The following ULK2 variants were observed in gnomAD, a reference collection of about 807,000 sequenced individuals.
ULK2 encodes the protein unc-51 like autophagy activating kinase 2.
In ULK2, 76 loss-of-function variants were observed where a neutral mutation model predicts 127.5. The ratio of observed to expected loss-of-function variants is 0.60; its 90% CI spans 0.50 to 0.72. ULK2 has a LOEUF of 0.72. Ranked by LOEUF, ULK2 falls within the 30% of genes least tolerant of loss-of-function variation. ULK2 has a pLI of 0.00. For synonymous variants in ULK2, 452 were observed against 461.9 expected (o/e 0.98, Z 0.28); for missense variants, 1,144 against 1,295.9 (o/e 0.88, Z 1.80).
At chr17:19,792,608 G>A (rs379703) in intron 20 of ULK2, among the ~76,000 whole-genome samples, 146,364 of 152,348 alleles carry the variant, frequency 0.96, 70,499 homozygotes, top group African/African-American at 0.99. Context: ...TATTCACTAA[G>A]GTGATCTAAT....
At chr17:19,856,661 T>C (rs1289700128) in intron 3 of ULK2, among the ~76,000 whole-genome samples, 1 of 150,892 alleles carries the variant, frequency 6.6e-6, no homozygotes, top group African/African-American at 2.4e-5. Flanking sequence ...AATTTGTTCA[T>C]TGTATTATTT....
chr17:19,813,058 G>A (rs1347434570), intron 13 of ULK2, among the ~76,000 whole-genome samples: 2 of 152,270 alleles, frequency 1.3e-5, no homozygotes, highest in East Asian at 3.9e-4. Context: ...ATTTTACACT[G>A]ACTATTGAGA....
chr17:19,864,768 T>C (rs533634383), intron 3 of ULK2, 35 bp downstream of exon 3: 4 of 1,016,884 alleles, frequency 3.9e-6, no homozygotes, highest in African/African-American at 3.3e-5. Flanking sequence ...AAAAAAAATT[T>C]ATTTTAATTT....
Position 19,780,969 on chromosome 17 carries a change from G to A in ULK2, c.2758+17C>T, listed in dbSNP as rs749903806. The A allele has an allele frequency of 5.0e-5, 81 of 1,610,714 alleles. No homozygotes were observed. The highest frequency in any genetic ancestry group is 1.7e-4 in the Middle Eastern group (1 of 5,830). ...TAAGGACTGACCCCTGGAGTTACACGCTGCCTTCTCCCATACCTTGTTTCA... is the reference window on the plus strand; with the variant it reads ...TAAGGACTGACCCCTGGAGTTACACACTGCCTTCTCCCATACCTTGTTTCA... On this transcript the variant is annotated intron_variant, in intron 24 of 26. Transcript: ENST00000395544.
At chr17:19,785,129 A>C (rs1176105166) in intron 21 of ULK2, among the ~76,000 whole-genome samples, 3 of 152,276 alleles carry the variant, frequency 2.0e-5, no homozygotes, top group Non-Finnish European at 2.9e-5. Context: ...TAAATGATAA[A>C]TCTATTAGCC....
At chr17:19,849,483 A>G in intron 4 of ULK2, 78 bp from the exon 5 acceptor site, 1 of 1,397,430 alleles carries the variant, frequency 7.2e-7, no homozygotes, top group Non-Finnish European at 9.9e-7. Flanking sequence ...ATTGTGATTA[A>G]AAAATCATTT....
rs2042374155 is a variant in ULK2, at chr17:19,867,315, G to A, written c.90+13C>T. On this transcript the variant is annotated intron_variant, in intron 1 of 26. Transcript: ENST00000395544. ...GCCGCCCGGGGCCCGGCCTCGCCCC[G>A]GCCGGCGCTCACCTGGCGGTGCCGC... is the stretch of plus-strand genomic sequence containing the variant. The A allele has an allele frequency of 1.3e-6, 2 of 1,566,612 alleles. No individual in the cohort carries two copies. The highest frequency in any genetic ancestry group is 1.7e-6 in the Non-Finnish European group (2 of 1,159,328).
intron 10 of ULK2, among the ~76,000 whole-genome samples, chr17:19,834,368 C>T (rs2041538668): frequency 6.6e-6 from 1 of 151,530 alleles, no homozygotes; most frequent in South Asian, 2.1e-4. Flanking sequence ...TTCTCTTAGC[C>T]GATTTAAAGG....
chr17:19,838,139 C>G (rs1298989945), intron 10 of ULK2, among the ~76,000 whole-genome samples: 1 of 152,190 alleles, frequency 6.6e-6, no homozygotes, highest in Non-Finnish European at 1.5e-5. Context: ...GTCACTTTCT[C>G]AGTAAGGTCT....
At chr17:19,832,630 C>T (rs545207447) in intron 10 of ULK2, among the ~76,000 whole-genome samples, 3 of 152,162 alleles carry the variant, frequency 2.0e-5, no homozygotes, top group East Asian at 1.9e-4. Context: ...GGTAACTTAC[C>T]ATCTCAAAGC....
intron 13 of ULK2, among the ~76,000 whole-genome samples, chr17:19,812,276 A>T (rs2087659974): frequency 6.6e-6 from 1 of 152,186 alleles, no homozygotes; most frequent in South Asian, 2.1e-4. Context: ...AAGTGAATAG[A>T]TTACAGCTGC....
rs1425593980 is a variant in ULK2 at position 19,843,133 on chromosome 17, T to C, written c.633A>G (p.Lys211=). 1 of 1,613,556 alleles carries C rather than the reference T, an allele frequency of 6.2e-7. No individual in the cohort carries two copies. The highest frequency in any genetic ancestry group is 8.5e-7 in the Non-Finnish European group (1 of 1,179,828). ...AAAGTCAGCCTACCTGAAAAGGTGG[T>C]TTTCCAACTAGGCATTGGTATATCA... The part of the protein sequence containing the change: ...GTVIYQCLVG[K]PPFQANSPQD... The change falls in exon 8 of 27, where the codon AAA becomes AAG. Residue 211 remains lysine, a synonymous_variant. Coordinates refer to ENST00000395544, the MANE Select transcript of ULK2 (RefSeq NM_014683.4).
At position 19,781,979 on chromosome 17, in the gene ULK2, T is replaced by G. The variant is rs753799922; in HGVS notation, c.2549A>C (p.Asn850Thr). The change falls in exon 23 of 27, where the codon AAC becomes ACC. Residue 850 changes from asparagine (N) to threonine (T), a missense_variant. By Grantham distance (65) the Asn-to-Thr change is moderately conservative. Transcript: ENST00000395544. ...CACAGCAGATGTGCACAGCTCAGGG[T>G]TTCCTCCCCTCATGGCTGTCAGGTC... ...VLDLTAMRGG[N>T]PELCTSAVSL... 6.2e-6 allele frequency: 10 copies of G among 1,614,210 alleles called. No homozygotes were observed. Among genetic ancestry groups the G allele is most frequent in the Non-Finnish European group, 3.4e-6 (4 of 1,180,046 alleles).
chr17:19,836,779 G>A (rs1481425243), intron 10 of ULK2, among the ~76,000 whole-genome samples: 4 of 150,400 alleles, frequency 2.7e-5, no homozygotes, highest in East Asian at 2.0e-4. Context: ...GGTGGCGGGC[G>A]CCTGTAATCC....
intron 20 of ULK2, among the ~76,000 whole-genome samples, chr17:19,788,410 G>A (rs1207633763): frequency 1.3e-5 from 2 of 151,756 alleles, no homozygotes; most frequent in Non-Finnish European, 2.9e-5. Flanking sequence ...GCAGAGTCGT[G>A]AGACCCCCAT....
At chr17:19,833,483 T>C (rs1310516244) in intron 10 of ULK2, among the ~76,000 whole-genome samples, 4 of 151,636 alleles carry the variant, frequency 2.6e-5, no homozygotes, top group Non-Finnish European at 5.9e-5. Context: ...CCGAGGTGGG[T>C]GGATCACGTG....
intron 23 of ULK2, 138 bp from the exon 24 acceptor site, chr17:19,781,242 CTTTTTTTTTT>C (rs200296663): frequency 6.4e-6 from 3 of 472,152 alleles, no homozygotes; most frequent in African/African-American, 4.8e-5. Flanking sequence ...TCTTTCTTTT[CTTTTTTTTTT>C]TTTTTTTTTG....
At chr17:19,817,271 T>C (rs2152390548) in intron 12 of ULK2, among the ~76,000 whole-genome samples, 1 of 152,336 alleles carries the variant, frequency 6.6e-6, no homozygotes, top group East Asian at 1.9e-4. Context: ...AGATACTTAA[T>C]AACTTTCCAC....
intron 13 of ULK2, chr17:19,811,125 C>T (rs2087630863): frequency 6.6e-6 from 1 of 151,676 alleles, no homozygotes; most frequent in Admixed American, 6.6e-5. Context: ...TAGCAATAAG[C>T]ATTATAAAGG....
Sources: allele counts gnomAD v4.1 joint callset (sites outside exome capture counted in the v4.1 genomes callset), GRCh38; gene constraint gnomAD v4.1.1; transcripts MANE v1.5; gene names NCBI Gene and HGNC (gene_info 2026-07-23, HGNC 2026-07-21).